Variants in STK3 observed in about 807,000 individuals in gnomAD.
STK3 encodes the protein serine/threonine kinase 3.
STK3 carries 41 observed loss-of-function variants against 58.0 expected under a neutral mutation model. The ratio of observed to expected loss-of-function variants is 0.71; its 90% CI spans 0.55 to 0.92. The LOEUF is 0.92. Among genes scored for constraint, STK3 ranks in the 40% least tolerant of loss-of-function variants. The probability of loss-of-function intolerance (pLI) is 0.00; values close to 1 mark genes in which losing one functional copy is unlikely to be tolerated. For missense variants in STK3, 479 were observed against 602.7 expected, an observed-to-expected ratio of 0.79 and a Z score of 2.15; for synonymous variants, 170 against 191.0, an observed-to-expected ratio of 0.89 and a Z score of 0.91.
At chr8:98,880,558 A>G (rs966786090), downstream of STK3, 3 of 152,206 alleles carry the variant, frequency 2.0e-5, no homozygotes, top group Non-Finnish European at 4.4e-5. Context: ...ATTTGTTGAG[A>G]AAGAATAAGA....
At chr8:98,759,429 T>A (rs1830487600) in intron 3 of STK3, among the ~76,000 whole-genome samples, 1 of 152,284 alleles carries the variant, frequency 6.6e-6, no homozygotes, top group East Asian at 1.9e-4. Flanking sequence ...CTTACAAAGG[T>A]GCAGTTCGTG....
At chr8:98,746,422 G>A (rs1829645453) in intron 4 of STK3, among the ~76,000 whole-genome samples, 1 of 152,070 alleles carries the variant, frequency 6.6e-6, no homozygotes, top group South Asian at 2.1e-4. Flanking sequence ...TATGAGCCTA[G>A]GCAGCGAAGT....
At chr8:98,703,056 G>C (rs922759540) in intron 6 of STK3, among the ~76,000 whole-genome samples, 1 of 152,118 alleles carries the variant, frequency 6.6e-6, no homozygotes, top group Admixed American at 6.5e-5. Flanking sequence ...AACATGGCTG[G>C]AAAACAAAAC....
At chr8:98,771,542 A>G (rs1219287494) in intron 2 of STK3, among the ~76,000 whole-genome samples, 3 of 151,868 alleles carry the variant, frequency 2.0e-5, no homozygotes, top group African/African-American at 7.2e-5. Flanking sequence ...TCTCTTCAAA[A>G]GCTTTTATAT....
At chr8:98,722,861 C>T (rs758117355) in intron 4 of STK3, 3 of 500,394 alleles carry the variant, frequency 6.0e-6, no homozygotes, top group Non-Finnish European at 3.9e-6. Context: ...AGAGGATCTG[C>T]TTCATATAGA....
rs556609227 is a variant in STK3 at position 98,549,444 on chromosome 8, T to A, written c.949-1283A>T. ...TCCATTTACCCATTTTAAAATGGGTTGTTTGGTTTTTCTGTTGTTATTACA... is the reference window on the plus strand; with the variant it reads ...TCCATTTACCCATTTTAAAATGGGTAGTTTGGTTTTTCTGTTGTTATTACA... On this transcript the variant is annotated intron_variant, in intron 8 of 10. Transcript: ENST00000419617. Among the ~76,000 whole-genome samples the A allele has an allele frequency of 5.9e-5, 9 of 152,292 alleles. 1 individual carries two copies. In the South Asian group the frequency reaches 1.9e-3, roughly 32 times the overall value.
At chr8:98,379,119 GTTT>G (rs1563587925) in intron 2 of STK3, 1 of 152,162 alleles carries the variant, frequency 6.6e-6, no homozygotes, top group African/African-American at 2.4e-5. Context: ...GGGAAGCATG[GTTT>G]GGGTAAGCCA....
chr8:98,782,849 C>T lies in STK3; in HGVS notation c.27-8030G>A, dbSNP rs137961237. ...AAAGGAAGAAACAAAAAGCCTGAGT[C>T]CCACATGAAAAAGAAACAAATGGGA... On this transcript the variant is annotated intron_variant, in intron 1 of 10. Coordinates refer to ENST00000419617, the MANE Select transcript of STK3 (RefSeq NM_006281.4). Among the ~76,000 whole-genome samples, 193 of 151,494 alleles carry T rather than the reference C, an allele frequency of 1.3e-3. 2 individuals carry two copies. The highest frequency in any genetic ancestry group is 1.9e-3 in the Non-Finnish European group (128 of 67,864).
chr8:98,379,650 T>C (rs566396288), intron 1 of STK3, among the ~76,000 whole-genome samples: 1 of 152,262 alleles, frequency 6.6e-6, no homozygotes, highest in East Asian at 1.9e-4. Context: ...CAGCACACTC[T>C]CCTCCCCAGG....
chr8:98,477,717 T>TGGGGGGGGGGGGGGGGGG (rs1563642954), intron 10 of STK3, among the ~76,000 whole-genome samples: 1 of 6,040 alleles, frequency 1.7e-4, no homozygotes, highest in Non-Finnish European at 2.8e-4. Context: ...GGGGGGGGGG[T>TGGGGGGGGGGGGGGGGGG]GGGCGGGGGG....
downstream of STK3, among the ~76,000 whole-genome samples, chr8:98,454,095 G>C (rs1819325949): frequency 1.3e-5 from 2 of 152,132 alleles, no homozygotes; most frequent in Non-Finnish European, 2.9e-5. Context: ...ACAGGGTAGA[G>C]ACAAATGACA....
At chr8:98,483,884 T>A (rs1299698612) in intron 10 of STK3, among the ~76,000 whole-genome samples, 17 of 152,144 alleles carry the variant, frequency 1.1e-4, no homozygotes, top group Admixed American at 1.1e-3. Context: ...TGTCATAGAT[T>A]TAAATTATAC....
intron 8 of STK3, among the ~76,000 whole-genome samples, chr8:98,563,420 C>T (rs952797004): frequency 5.8e-4 from 88 of 152,072 alleles, no homozygotes; most frequent in African/African-American, 2.0e-3. Context: ...TATACACACA[C>T]ACACGTGCCT....
chr8:98,564,194 T>C lies in STK3; in HGVS notation c.948+15470A>G, dbSNP rs115703221. Among the ~76,000 whole-genome samples, 628 of 152,126 alleles carry C rather than the reference T, an allele frequency of 4.1e-3. 4 individuals carry two copies. Among genetic ancestry groups the C allele is most frequent in the African/African-American group, 0.014 (587 of 41,490 alleles). On this transcript the variant is annotated intron_variant, in intron 8 of 10. Transcript: ENST00000419617. The stretch of plus-strand genomic sequence containing the variant: ...TCATCATTAGAAAAAAAAATCCCAA[T>C]TGAAGGACATTCTACAAAATGTCTA...
intron 1 of STK3, among the ~76,000 whole-genome samples, chr8:98,916,239 A>G (rs1839344058): frequency 6.6e-6 from 1 of 151,984 alleles, no homozygotes; most frequent in Non-Finnish European, 1.5e-5. Context: ...ACATGGTGAA[A>G]CCCGTCTCTA....
chr8:98,642,332 T>A (rs888875358), intron 6 of STK3, among the ~76,000 whole-genome samples: 16 of 151,636 alleles, frequency 1.1e-4, no homozygotes, highest in Non-Finnish European at 2.2e-4. Context: ...TAAAATATTT[T>A]CAATAATAAT....
intron 3 of STK3, among the ~76,000 whole-genome samples, chr8:98,869,560 G>T (rs1837290330): frequency 6.6e-6 from 1 of 152,098 alleles, no homozygotes; most frequent in Non-Finnish European, 1.5e-5. Flanking sequence ...AGAAAGGAAG[G>T]CCATGTGAAG....
intron 10 of STK3, among the ~76,000 whole-genome samples, chr8:98,466,257 G>A (rs1563630469): frequency 6.6e-6 from 1 of 152,144 alleles, no homozygotes; most frequent in Non-Finnish European, 1.5e-5. Flanking sequence ...AACAACAGTG[G>A]TTAAAGTATA....
intron 3 of STK3, among the ~76,000 whole-genome samples, chr8:98,757,123 C>A (rs980550162): frequency 6.6e-6 from 1 of 152,064 alleles, no homozygotes; most frequent in Non-Finnish European, 1.5e-5. Flanking sequence ...AACAATATAT[C>A]TTTTCCATAG....
Sources: allele counts gnomAD v4.1 joint callset (sites outside exome capture counted in the v4.1 genomes callset), GRCh38; gene constraint gnomAD v4.1.1; transcripts MANE v1.5; gene names NCBI Gene and HGNC (gene_info 2026-07-23, HGNC 2026-07-21).